Variants in KAZN observed in about 807,000 individuals in gnomAD.
KAZN encodes the protein kazrin.
A neutral mutation model predicts 87.4 loss-of-function variants in KAZN; 40 were observed. The ratio of observed to expected loss-of-function variants is 0.46; its 90% CI spans 0.36 to 0.60. The LOEUF is 0.60. Among genes scored for constraint, KAZN ranks in the 20% least tolerant of loss-of-function variants. The pLI is 0.00. For missense variants in KAZN, 898 were observed against 1,073.9 expected, an observed-to-expected ratio of 0.84 and a Z score of 2.29; for synonymous variants, 466 against 458.3, an observed-to-expected ratio of 1.02 and a Z score of -0.22.
chr1:14,054,403 A>G (rs1159353038), intron 1 of KAZN, among the ~76,000 whole-genome samples: 1 of 152,254 alleles, frequency 6.6e-6, no homozygotes, highest in African/African-American at 2.4e-5. Flanking sequence ...CCTACCCTGT[A>G]GGCCACTTTG....
intron 1 of KAZN, among the ~76,000 whole-genome samples, chr1:14,644,789 G>C (rs912529586): frequency 6.6e-6 from 1 of 152,142 alleles, no homozygotes; most frequent in African/African-American, 2.4e-5. Flanking sequence ...TTCTTTTGCT[G>C]TGCAGAAGCT....
In KAZN at chr1:14,184,806, C is replaced by T. The variant is rs368501701; in HGVS notation, c.249+4214C>T. 6.6e-6 allele frequency among the ~76,000 whole-genome samples: 1 copy of T among 152,124 alleles called. No individual in the cohort carries two copies. The highest frequency in any genetic ancestry group is 2.4e-5 in the African/African-American group (1 of 41,432). On this transcript the variant is annotated intron_variant, in intron 2 of 16. Coordinates refer to the KAZN transcript ENST00000636203. The surrounding 1 kb of genome is among the most constrained non-coding windows in gnomAD (Gnocchi z 4.2). ...GTTCCTGGCAGATAGGGAGGGTTAGCGCCCCAAAGTCAACATCATCTTGCA... is the reference window on the plus strand; with the variant it reads ...GTTCCTGGCAGATAGGGAGGGTTAGTGCCCCAAAGTCAACATCATCTTGCA...
At chr1:14,786,976 C>T (rs1645527828) in intron 1 of KAZN, among the ~76,000 whole-genome samples, 1 of 152,198 alleles carries the variant, frequency 6.6e-6, no homozygotes, top group Non-Finnish European at 1.5e-5. Context: ...ATCATGTTTT[C>T]TGCTTATTAG....
intron 1 of KAZN, among the ~76,000 whole-genome samples, chr1:13,947,670 A>G (rs753796877): frequency 1.3e-5 from 2 of 152,134 alleles, no homozygotes; most frequent in Non-Finnish European, 2.9e-5. Flanking sequence ...ACAGAAATTT[A>G]TCGTCTCACA....
At chr1:14,597,268 G>A (rs908823628), upstream of KAZN, among the ~76,000 whole-genome samples, 2 of 152,220 alleles carry the variant, frequency 1.3e-5, no homozygotes, top group African/African-American at 4.8e-5. Context: ...GTGTCTTCCT[G>A]CCACATGCTC....
chr1:14,637,963 C>T (rs1680120982), intron 1 of KAZN, among the ~76,000 whole-genome samples: 1 of 152,000 alleles, frequency 6.6e-6, no homozygotes, highest in Admixed American at 6.6e-5. Flanking sequence ...TATCCCACAC[C>T]TCTCTCCCCG....
chr1:14,276,455 T>G (rs1471160922), intron 2 of KAZN, among the ~76,000 whole-genome samples: 1 of 152,038 alleles, frequency 6.6e-6, no homozygotes, highest in Non-Finnish European at 1.5e-5. Context: ...TGACAAAAAT[T>G]TGTTGCCTCG....
rs1395061037 is a variant in KAZN, at chr1:14,040,071, GTGTGTGC to G, written c.92-140363_92-140357del. ...CACGTGTGTGTGTGTGCACGTGTGT[GTGTGTGC>G]ACGTGTGTGTGTGAGAGAGAGAGAG... On this transcript the variant is annotated intron_variant, in intron 1 of 16. Transcript: ENST00000636203. Among the ~76,000 whole-genome samples the G allele has an allele frequency of 4.8e-5, 7 of 144,470 alleles. No homozygotes were observed. In the East Asian group the frequency reaches 1.4e-3, roughly 28 times the overall value. The allele number at this position is 144,470 out of a possible 152,430, so 94.8% of individuals were successfully genotyped here. A position where few individuals can be genotyped will look rare whatever the true frequency, so the allele number is the denominator to read the frequency against.
intron 2 of KAZN, among the ~76,000 whole-genome samples, chr1:14,325,653 A>C (rs1448899364): frequency 6.6e-6 from 1 of 152,248 alleles, no homozygotes; most frequent in Non-Finnish European, 1.5e-5. Flanking sequence ...CTTAATATCA[A>C]TACCACAGGA....
At chr1:14,335,203 CTTT>C (rs34934115) in intron 2 of KAZN, among the ~76,000 whole-genome samples, 5 of 131,302 alleles carry the variant, frequency 3.8e-5, no homozygotes, top group South Asian at 2.6e-4. Flanking sequence ...GTCCTCCTTT[CTTT>C]TTTTTTTTTT....
chr1:14,595,200 C>T (rs138275766), upstream of KAZN, among the ~76,000 whole-genome samples: 2 of 152,040 alleles, frequency 1.3e-5, no homozygotes, highest in African/African-American at 4.8e-5. Flanking sequence ...TCTTTGTAGT[C>T]TTTCAGTTAC....
chr1:13,962,157 G>T (rs1268363512), intron 1 of KAZN, among the ~76,000 whole-genome samples: 1 of 152,152 alleles, frequency 6.6e-6, no homozygotes, highest in Non-Finnish European at 1.5e-5. Context: ...TATCTGGGAA[G>T]AACATTCTGA....
chr1:14,723,063 C>T (rs115619796), intron 1 of KAZN, among the ~76,000 whole-genome samples: 4,305 of 152,148 alleles, frequency 0.028, 82 homozygotes, highest in Middle Eastern at 0.048. Flanking sequence ...GAAGTCGAGG[C>T]TGCCCTGAGC....
At chr1:14,258,307 C>T (rs1251260081) in intron 2 of KAZN, among the ~76,000 whole-genome samples, 2 of 150,822 alleles carry the variant, frequency 1.3e-5, no homozygotes, top group Non-Finnish European at 3.0e-5. Context: ...GCTCTGCCTC[C>T]CGGGTTCACA....
At chr1:14,901,312 G>A (rs1483803238) in intron 1 of KAZN, among the ~76,000 whole-genome samples, 2 of 152,208 alleles carry the variant, frequency 1.3e-5, no homozygotes, top group African/African-American at 2.4e-5. Flanking sequence ...TTAGTTACGG[G>A]ATAACAAGAA....
chr1:14,091,680 CT>C (rs983806129), intron 1 of KAZN, among the ~76,000 whole-genome samples: 1 of 152,134 alleles, frequency 6.6e-6, no homozygotes, highest in Non-Finnish European at 1.5e-5. Flanking sequence ...TGATTCATAA[CT>C]TTTGGGGGCC....
intron 2 of KAZN, among the ~76,000 whole-genome samples, chr1:14,487,676 G>A (rs924940834): frequency 2.9e-4 from 44 of 152,230 alleles, no homozygotes; most frequent in Admixed American, 4.6e-4. Flanking sequence ...GAACCAATGC[G>A]GGAATACCTT....
intron 2 of KAZN, among the ~76,000 whole-genome samples, chr1:14,332,476 G>A (rs773087119): frequency 6.6e-6 from 1 of 152,170 alleles, no homozygotes; most frequent in Non-Finnish European, 1.5e-5. Context: ...GACATTTGCT[G>A]CCTCTGAAGA....
chr1:14,607,978 C>T (rs965256821), intron 1 of KAZN, among the ~76,000 whole-genome samples: 1 of 152,188 alleles, frequency 6.6e-6, no homozygotes, highest in African/African-American at 2.4e-5. Flanking sequence ...TATTGTTATC[C>T]TCTCCATTCC....
Sources: gnomAD v4.1 joint callset for allele counts (sites outside exome capture counted in the v4.1 genomes callset) on GRCh38, gnomAD v4.1.1 for gene constraint, Gnocchi (gnomAD v3.1) non-coding constraint, MANE v1.5 for transcripts, NCBI Gene and HGNC (gene_info 2026-07-23, HGNC 2026-07-21) for gene names.